Variants in AKAP6 observed in about 807,000 individuals in gnomAD.
AKAP6 encodes the protein A-kinase anchor protein 6.
In AKAP6, 58 loss-of-function variants were observed where a neutral mutation model predicts 188.5. The observed-to-expected ratio is 0.31, with a 90% CI of 0.25 to 0.38. The LOEUF is 0.38. Ranked by LOEUF, AKAP6 falls within the 10% of genes least tolerant of loss-of-function variation. AKAP6 has a pLI of 1.00. For missense variants in AKAP6, 2,710 were observed against 2,740.0 expected, an observed-to-expected ratio of 0.99 and a Z score of 0.24; for synonymous variants, 989 against 998.6, an observed-to-expected ratio of 0.99 and a Z score of 0.18.
At chr14:32,541,003 C>G (rs1239867125) in intron 3 of AKAP6, among the ~76,000 whole-genome samples, 1 of 151,982 alleles carries the variant, frequency 6.6e-6, no homozygotes, top group Non-Finnish European at 1.5e-5. Context: ...TCTCACACAT[C>G]ACCACTAAAG....
In AKAP6 at chr14:32,441,824, T is replaced by G. The variant is rs1280145573; in HGVS notation, c.324+8007T>G. On this transcript the variant is annotated intron_variant, in intron 2 of 13. Coordinates refer to ENST00000280979, the MANE Select transcript of AKAP6 (RefSeq NM_004274.5). The stretch of plus-strand genomic sequence containing the variant: ...GGAAACTGAAGATTAATACAGGTTT[T>G]ACAATTTGAAAGAAATAATGAAAAC... Among the ~76,000 whole-genome samples the G allele has an allele frequency of 2.6e-5, 4 of 152,258 alleles. No individual in the cohort carries two copies. The East Asian group carries it at 5.8e-4, about 22-fold the overall frequency.
At chr14:32,679,395 A>G (rs930243743) in intron 8 of AKAP6, among the ~76,000 whole-genome samples, 1 of 152,202 alleles carries the variant, frequency 6.6e-6, no homozygotes, top group Non-Finnish European at 1.5e-5. Flanking sequence ...GACAGCACAA[A>G]GGAGAAACTA....
At chr14:32,683,040 C>G (rs1408722778) in intron 8 of AKAP6, among the ~76,000 whole-genome samples, 1 of 141,116 alleles carries the variant, frequency 7.1e-6, no homozygotes, top group Non-Finnish European at 1.5e-5. Context: ...GTCGCCCAGG[C>G]TGGAGTGCAG....
intron 12 of AKAP6, among the ~76,000 whole-genome samples, chr14:32,792,359 A>G (rs1410311738): frequency 6.6e-6 from 1 of 152,040 alleles, no homozygotes; most frequent in African/African-American, 2.4e-5. Context: ...TTATATTCCT[A>G]GGTATTTATT....
At chr14:32,496,921 G>A (rs922473952) in intron 2 of AKAP6, among the ~76,000 whole-genome samples, 1 of 152,144 alleles carries the variant, frequency 6.6e-6, no homozygotes, top group Non-Finnish European at 1.5e-5. Context: ...GTTACTTCCT[G>A]TGAATAAATC....
intron 4 of AKAP6, among the ~76,000 whole-genome samples, chr14:32,571,923 A>G (rs1884505647): frequency 6.6e-6 from 1 of 152,222 alleles, no homozygotes; most frequent in Admixed American, 6.5e-5. Flanking sequence ...CTTTACAGTA[A>G]TCTTTGCTTT....
chr14:32,585,897 A>T (rs539824036), intron 5 of AKAP6, among the ~76,000 whole-genome samples: 1 of 152,240 alleles, frequency 6.6e-6, no homozygotes, highest in Admixed American at 6.5e-5. Context: ...ACTAGATTGG[A>T]GTCTCACAGG....
In AKAP6 at chr14:32,823,822, A is replaced by G. The variant is rs774993218; in HGVS notation, c.6009A>G (p.Lys2003=). Residue 2003 remains lysine, a synonymous_variant, in exon 13 of 14, where the codon AAA becomes AAG. Coordinates refer to ENST00000280979, the MANE Select transcript of AKAP6 (RefSeq NM_004274.5). The stretch of plus-strand genomic sequence containing the variant: ...ACAGACAAGACTCTGATGCACTGAA[A>G]TCATCTGATGATGCACCGAGTATGG... ...FNNRQDSDAL[K]SSDDAPSMAG... is the part of the protein sequence containing the mutation. 1 of 1,613,514 alleles carries G rather than the reference A, an allele frequency of 6.2e-7. No homozygotes were observed. Among genetic ancestry groups the G allele is most frequent in the African/African-American group, 1.3e-5 (1 of 74,912 alleles).
chr14:32,537,593 G>A (rs1998240), intron 3 of AKAP6, among the ~76,000 whole-genome samples: 133,694 of 152,230 alleles, frequency 0.88, 58,936 homozygotes, highest in African/African-American at 0.97. Context: ...CCAACACCCA[G>A]TGCTCTGTCC....
At chr14:32,507,290 T>C (rs1057013592) in intron 2 of AKAP6, among the ~76,000 whole-genome samples, 1 of 152,204 alleles carries the variant, frequency 6.6e-6, no homozygotes, top group African/African-American at 2.4e-5. Context: ...GGCACAGTAG[T>C]AATCACTAGG....
Position 32,823,837 on chromosome 14 carries a change from A to G in AKAP6, c.6024A>G (p.Ala2008=), listed in dbSNP as rs2034600304. The G allele has an allele frequency of 1.9e-6, 3 of 1,613,636 alleles. No individual in the cohort carries two copies. The highest frequency in any genetic ancestry group is 2.5e-6 in the Non-Finnish European group (3 of 1,179,920). The change falls in exon 13 of 14, where the codon GCA becomes GCG. Residue 2008 remains alanine (A), a synonymous_variant. Transcript: ENST00000280979. ...DSDALKSSDD[A]PSMAGKSAGC... ...ATGCACTGAAATCATCTGATGATGC[A>G]CCGAGTATGGCTGGAAAATCTGCTG...
chr14:32,803,854 G>A (rs2034020707), intron 12 of AKAP6, among the ~76,000 whole-genome samples: 4 of 152,154 alleles, frequency 2.6e-5, no homozygotes, highest in African/African-American at 9.7e-5. Flanking sequence ...TTGACAAACT[G>A]ATTCTTCTCC....
chr14:32,799,790 G>T (rs540416108), intron 12 of AKAP6, among the ~76,000 whole-genome samples: 1 of 152,124 alleles, frequency 6.6e-6, no homozygotes, highest in African/African-American at 2.4e-5. Flanking sequence ...TTCTTCTGTT[G>T]TTGGATCAAG....
At chr14:32,819,313 T>C (rs1041756209) in intron 12 of AKAP6, among the ~76,000 whole-genome samples, 1 of 152,186 alleles carries the variant, frequency 6.6e-6, no homozygotes, top group Non-Finnish European at 1.5e-5. Flanking sequence ...TTATACTTAA[T>C]GTGTTTGTGT....
At chr14:32,387,225 T>C (rs1335044269) in intron 1 of AKAP6, among the ~76,000 whole-genome samples, 3 of 152,074 alleles carry the variant, frequency 2.0e-5, no homozygotes, top group Non-Finnish European at 4.4e-5. Context: ...TAAATGATCA[T>C]ATCATCAGCA....
rs754870066 is a variant in AKAP6 at position 32,821,989 on chromosome 14, C to A, written c.4176C>A (p.Asn1392Lys). 2.5e-6 allele frequency: 4 copies of A among 1,613,844 alleles called. No homozygotes were observed. Among genetic ancestry groups the A allele is most frequent in the African/African-American group, 2.7e-5 (2 of 74,978 alleles). The change falls in exon 13 of 14, where the codon AAC becomes AAA. Residue 1392 changes from asparagine to lysine, a missense_variant. Transcript: ENST00000280979. ...LLNAVDGSPS[N>K]LETEHLDPQM... is the part of the protein sequence containing the mutation. ...ATGCAGTGGATGGGTCCCCAAGTAA[C>A]CTTGAAACTGAACATCTGGACCCAC... is the stretch of plus-strand genomic sequence containing the variant.
intron 2 of AKAP6, among the ~76,000 whole-genome samples, chr14:32,515,318 G>C (rs752878899): frequency 2.6e-5 from 4 of 152,016 alleles, no homozygotes; most frequent in Admixed American, 2.6e-4. Flanking sequence ...TGACACATGG[G>C]GATTATTACA....
At chr14:32,810,457 T>C (rs1469649143) in intron 12 of AKAP6, among the ~76,000 whole-genome samples, 1 of 152,178 alleles carries the variant, frequency 6.6e-6, no homozygotes, top group Non-Finnish European at 1.5e-5. Context: ...TTAAATTTAA[T>C]TGGATCTCAG....
Position 32,821,393 on chromosome 14 carries a change from C to G in AKAP6, c.3589-9C>G, listed in dbSNP as rs777828543. On this transcript the variant is annotated splice_polypyrimidine_tract_variant and intron_variant, in intron 12 of 13. Transcript: ENST00000280979. Reference sequence around the variant, plus strand: ...TTCTTCTCCTTTTCTTTTTCTTTCTCTCACACAGGAGACTTTGAATGTGAT... The same window carrying G: ...TTCTTCTCCTTTTCTTTTTCTTTCTGTCACACAGGAGACTTTGAATGTGAT... 1.9e-6 allele frequency: 3 copies of G among 1,564,096 alleles called. No homozygotes were observed. The highest frequency in any genetic ancestry group is 2.7e-5 in the African/African-American group (2 of 72,850).
Sources: allele counts gnomAD v4.1 joint callset (sites outside exome capture counted in the v4.1 genomes callset), GRCh38; gene constraint gnomAD v4.1.1; transcripts MANE v1.5; gene names NCBI Gene and HGNC (gene_info 2026-07-23, HGNC 2026-07-21).